The following GPC5 variants were observed in gnomAD, a reference collection of about 807,000 sequenced individuals.
The protein encoded by GPC5 is glypican 5.
In GPC5, 47 loss-of-function variants were observed where a neutral mutation model predicts 53.9. The observed-to-expected ratio is 0.87, with a 90% CI of 0.69 to 1.11. The LOEUF (loss-of-function observed/expected upper bound fraction) is 1.11, where lower values mean the gene tolerates loss of function less well. Ranked by LOEUF, GPC5 falls within the 50% of genes most tolerant of loss-of-function variation. The pLI, the probability that GPC5 is intolerant of heterozygous loss-of-function variation, is 0.00. For synonymous variants in GPC5, 286 were observed against 263.3 expected (o/e 1.09, Z -0.84); for missense variants, 748 against 713.1 (o/e 1.05, Z -0.56).
At chr13:91,937,171 G>T (rs995773592) in intron 6 of GPC5, among the ~76,000 whole-genome samples, 5 of 151,918 alleles carry the variant, frequency 3.3e-5, no homozygotes, top group Non-Finnish European at 5.9e-5. Flanking sequence ...AAGGCAGTTT[G>T]GTCAACTATC....
intron 4 of GPC5, among the ~76,000 whole-genome samples, chr13:91,739,678 C>T (rs963703783): frequency 2.6e-5 from 4 of 151,288 alleles, no homozygotes; most frequent in Admixed American, 2.0e-4. Context: ...CTTCACATTG[C>T]GGCTAACTTC....
intron 7 of GPC5, among the ~76,000 whole-genome samples, chr13:92,145,866 A>C (rs1273754134): frequency 2.0e-5 from 3 of 152,164 alleles, no homozygotes; most frequent in Admixed American, 2.0e-4. Flanking sequence ...GCTGCTTTGC[A>C]CCTATTAGAC....
chr13:91,815,357 A>G (rs2138816249), intron 5 of GPC5, among the ~76,000 whole-genome samples: 1 of 152,148 alleles, frequency 6.6e-6, no homozygotes, highest in South Asian at 2.1e-4. Context: ...AGACAAAGTA[A>G]AGTCAGAGAC....
intron 7 of GPC5, among the ~76,000 whole-genome samples, chr13:92,344,327 G>T (rs989954636): frequency 6.6e-6 from 1 of 152,044 alleles, no homozygotes; most frequent in African/African-American, 2.4e-5. Flanking sequence ...ACCACCCCAT[G>T]ATTCAATTAC....
At chr13:92,191,885 A>AAAACCT (rs2042225163) in intron 7 of GPC5, among the ~76,000 whole-genome samples, 1 of 152,206 alleles carries the variant, frequency 6.6e-6, no homozygotes, top group Non-Finnish European at 1.5e-5. Context: ...GGATATTTTT[A>AAAACCT]ATTTACAGTA....
chr13:91,900,851 A>G (rs997621877), intron 5 of GPC5, among the ~76,000 whole-genome samples: 12 of 152,222 alleles, frequency 7.9e-5, no homozygotes, highest in Non-Finnish European at 1.3e-4. Flanking sequence ...TGAAAATATT[A>G]TCTTTCAAAT....
chr13:92,631,034 G>A (rs1757342871), intron 7 of GPC5, among the ~76,000 whole-genome samples: 2 of 152,134 alleles, frequency 1.3e-5, no homozygotes, highest in South Asian at 4.2e-4. Flanking sequence ...GAACACAAAA[G>A]CCACTGGCTT....
intron 6 of GPC5, among the ~76,000 whole-genome samples, chr13:92,074,951 GTTTATTT>G (rs147494621): frequency 0.017 from 2,567 of 152,108 alleles, 63 homozygotes; most frequent in African/African-American, 0.059. Flanking sequence ...TAAATTTCCT[GTTTATTT>G]TTTATTTTTG....
intron 7 of GPC5, among the ~76,000 whole-genome samples, chr13:92,846,901 T>C (rs1187830216): frequency 6.6e-6 from 1 of 152,166 alleles, no homozygotes; most frequent in African/African-American, 2.4e-5. Flanking sequence ...AAGTCTTTCT[T>C]TTATAATGCA....
chr13:91,814,424 C>A (rs933186155), intron 5 of GPC5, among the ~76,000 whole-genome samples: 18 of 152,196 alleles, frequency 1.2e-4, no homozygotes, highest in African/African-American at 4.1e-4. Context: ...GGAAAAGGAA[C>A]CTGACATCAT....
At chr13:91,563,735 C>T (rs944250929) in intron 2 of GPC5, among the ~76,000 whole-genome samples, 8 of 152,044 alleles carry the variant, frequency 5.3e-5, no homozygotes, top group African/African-American at 1.7e-4. Flanking sequence ...ATAATACCAG[C>T]GAAGTTCTTT....
intron 6 of GPC5, among the ~76,000 whole-genome samples, chr13:91,983,344 T>TA (rs79085595): frequency 0.4 from 60,218 of 149,078 alleles, 13,843 homozygotes; most frequent in East Asian, 0.75. Flanking sequence ...AGACCCTGTC[T>TA]CAAAAAAAAA....
chr13:91,653,524 G>A (rs1252252795), intron 2 of GPC5, among the ~76,000 whole-genome samples: 1 of 152,138 alleles, frequency 6.6e-6, no homozygotes, highest in Non-Finnish European at 1.5e-5. Context: ...AACTTAGAAT[G>A]TAATTGGATT....
In GPC5 at chr13:91,966,752, T is replaced by A. The variant is rs574498698; in HGVS notation, c.1401+58695T>A. Among the ~76,000 whole-genome samples, 101 of 152,250 alleles carry A rather than the reference T, an allele frequency of 6.6e-4. 1 individual carries two copies. Among genetic ancestry groups the A allele is most frequent in the African/African-American group, 2.3e-3 (97 of 41,560 alleles). ...ATGAGCTGAACTATGATGTAAGTCA[T>A]AAAAGGCCTGATTCACTTAAAAACT... On this transcript the variant is annotated intron_variant, in intron 6 of 7. Coordinates refer to ENST00000377067, the MANE Select transcript of GPC5 (RefSeq NM_004466.6).
At chr13:91,493,304 T>TG (rs1417895112) in intron 2 of GPC5, among the ~76,000 whole-genome samples, 1 of 152,182 alleles carries the variant, frequency 6.6e-6, no homozygotes. Flanking sequence ...TCATGGAAAA[T>TG]GGGGTATTTA....
intron 7 of GPC5, among the ~76,000 whole-genome samples, chr13:92,624,441 G>A (rs901172812): frequency 2.0e-5 from 3 of 152,032 alleles, no homozygotes; most frequent in East Asian, 1.9e-4. Context: ...TTTTCCAAAC[G>A]TTTACTTCTG....
At chr13:92,131,958 A>T (rs1352480436) in intron 6 of GPC5, among the ~76,000 whole-genome samples, 1 of 152,130 alleles carries the variant, frequency 6.6e-6, no homozygotes, top group Non-Finnish European at 1.5e-5. Context: ...AATTTTTTAC[A>T]CCAAAAGACT....
intron 7 of GPC5, among the ~76,000 whole-genome samples, chr13:92,160,307 T>C (rs772376955): frequency 7.2e-5 from 11 of 152,220 alleles, no homozygotes; most frequent in African/African-American, 1.4e-4. Flanking sequence ...TGACTGGACC[T>C]ATCTGATATA....
Position 92,374,113 on chromosome 13 carries a change from T to A in GPC5, c.1561+229124T>A, listed in dbSNP as rs147855762. ...TCCATAACTATAGAATCGAACTTGA[T>A]AAATTCTTCCTTTAGCTAAAAGAAA... On this transcript the variant is annotated intron_variant, in intron 7 of 7. Coordinates refer to ENST00000377067, the MANE Select transcript of GPC5 (RefSeq NM_004466.6). 6.4e-4 allele frequency among the ~76,000 whole-genome samples: 97 copies of A among 152,290 alleles called. 1 individual carries two copies. Among genetic ancestry groups the A allele is most frequent in the African/African-American group, 2.3e-3 (96 of 41,562 alleles).
Sources: allele counts gnomAD v4.1 joint callset (sites outside exome capture counted in the v4.1 genomes callset), GRCh38; gene constraint gnomAD v4.1.1; transcripts MANE v1.5; gene names NCBI Gene and HGNC (gene_info 2026-07-23, HGNC 2026-07-21).